Variants in UBP1 observed in about 807,000 individuals in gnomAD.
UBP1 encodes the protein upstream binding protein 1.
UBP1 carries 22 observed loss-of-function variants against 76.1 expected under a neutral mutation model. The observed-to-expected ratio is 0.29, with a 90% CI of 0.21 to 0.41. The LOEUF (loss-of-function observed/expected upper bound fraction) is 0.41. UBP1 is among the 10% of genes least tolerant of loss of function. The pLI, the probability that UBP1 is intolerant of heterozygous loss-of-function variation, is 1.00. For synonymous variants in UBP1, 224 were observed against 237.1 expected (o/e 0.94, Z 0.51); for missense variants, 436 against 668.1 (o/e 0.65, Z 3.83).
At position 33,393,981 on chromosome 3, in the gene UBP1, G is replaced by C. The variant is rs937178718; in HGVS notation, c.1391-527C>G. ...ATAATATATACTTCATGTATTTCTA[G>C]CAATATACAAAAAGAACCCTAAAAG... is the stretch of plus-strand genomic sequence containing the variant. On this transcript the variant is annotated intron_variant, in intron 13 of 15. Coordinates refer to ENST00000283629, the MANE Select transcript of UBP1 (RefSeq NM_014517.5). Among the ~76,000 whole-genome samples the C allele has an allele frequency of 4.4e-4, 67 of 152,038 alleles. 1 individual carries two copies. Among genetic ancestry groups the C allele is most frequent in the Admixed American group, 4.4e-3 (67 of 15,264 alleles).
intron 11 of UBP1, among the ~76,000 whole-genome samples, chr3:33,399,087 G>C (rs1189682514): frequency 6.6e-6 from 1 of 152,246 alleles, no homozygotes; most frequent in African/African-American, 2.4e-5. Flanking sequence ...CTGAGTGTGT[G>C]CACACACAAG....
intron 9 of UBP1, among the ~76,000 whole-genome samples, chr3:33,402,310 C>T (rs2044259211): frequency 6.6e-6 from 1 of 152,130 alleles, no homozygotes; most frequent in South Asian, 2.1e-4. Context: ...TCCACCATTT[C>T]CATTTCTAAA....
Position 33,439,978 on chromosome 3 carries a change from G to C in UBP1, c.-130C>G, listed in dbSNP as rs1055225544. On this transcript the variant is annotated 5_prime_UTR_variant, in exon 1 of 16. Transcript: ENST00000283629. ...GGAGGGGCGGCGAGTGGTCACCAGC[G>C]GCGGCCGGGACGAGAGCTGCGGGGG... 8 of 956,558 alleles carry C rather than the reference G, an allele frequency of 8.4e-6. No homozygotes were observed. Among genetic ancestry groups the C allele is most frequent in the Non-Finnish European group, 1.2e-5 (8 of 669,454 alleles). The allele number at this position is 956,558 out of a possible 1,614,324, so 59.3% of individuals were successfully genotyped here.
intron 1 of UBP1, among the ~76,000 whole-genome samples, chr3:33,433,277 T>C (rs1163683561): frequency 2.8e-5 from 4 of 141,270 alleles, no homozygotes. Context: ...GCCAGGCTGG[T>C]CACGAACTCC....
chr3:33,390,195 AG>A lies in UBP1; in HGVS notation c.*135del. Reference sequence around the variant, plus strand: ...AGATTCACCTCTCATACAGCTCATTAGAAAGGTCATCTTGTGTTTTCAATAT... The same window carrying A: ...AGATTCACCTCTCATACAGCTCATTAAAAGGTCATCTTGTGTTTTCAATAT... On this transcript the variant is annotated 3_prime_UTR_variant, in exon 16 of 16. Coordinates refer to ENST00000283629, the MANE Select transcript of UBP1 (RefSeq NM_014517.5). 1.2e-6 allele frequency: 1 copy of A among 850,070 alleles called. No homozygotes were observed. Among genetic ancestry groups the A allele is most frequent in the Non-Finnish European group, 1.9e-6 (1 of 539,682 alleles). 52.7% of individuals were successfully genotyped at this position (850,070 alleles called of 1,614,324 possible). A position where few individuals can be genotyped will look rare whatever the true frequency, so the allele number is the denominator to read the frequency against.
At chr3:33,430,195 A>C (rs1012107992) in intron 1 of UBP1, among the ~76,000 whole-genome samples, 1 of 152,246 alleles carries the variant, frequency 6.6e-6, no homozygotes. Flanking sequence ...AGTAAGTCCA[A>C]GCAAGCCTAG....
At chr3:33,431,020 A>T (rs2045103992) in intron 1 of UBP1, among the ~76,000 whole-genome samples, 1 of 152,196 alleles carries the variant, frequency 6.6e-6, no homozygotes, top group Non-Finnish European at 1.5e-5. Context: ...GCCTGAAAGT[A>T]TCTGGAAGGA....
rs2044997189 is a variant in UBP1 at position 33,425,611 on chromosome 3, T to C, written c.244A>G (p.Thr82Ala). The stretch of plus-strand genomic sequence containing the variant: ...TAACCTTGGTTCAAATAAGTAAGCG[T>C]TTCATCATGCAGTTTTACTGCTGGT... ...TSPAVKLHDETLTYLNQGQSY... is the reference protein window; with the variant it reads ...TSPAVKLHDEALTYLNQGQSY... Residue 82 changes from threonine (T) to alanine (A), a missense_variant, in exon 2 of 16, where the codon ACG becomes GCG. Transcript: ENST00000283629. 2 of 1,561,238 alleles carry C rather than the reference T, an allele frequency of 1.3e-6. No homozygotes were observed. The highest frequency in any genetic ancestry group is 1.3e-5 in the African/African-American group (1 of 74,446).
chr3:33,412,956 G>T, intron 3 of UBP1, 129 bp from the exon 4 acceptor site: 2 of 564,380 alleles, frequency 3.5e-6, no homozygotes, highest in Non-Finnish European at 6.4e-6. Flanking sequence ...TAAACATTCT[G>T]TAAGTGAACT....
intron 1 of UBP1, among the ~76,000 whole-genome samples, chr3:33,430,146 T>G (rs1349235947): frequency 6.6e-6 from 1 of 152,142 alleles, no homozygotes; most frequent in East Asian, 1.9e-4. Context: ...ATTAAAGAAC[T>G]AACAAGATAA....
intron 1 of UBP1, among the ~76,000 whole-genome samples, chr3:33,431,987 T>C (rs1232050574): frequency 3.9e-5 from 6 of 152,140 alleles, no homozygotes; most frequent in African/African-American, 9.7e-5. Context: ...TACTCTCATA[T>C]CCATTAAATA....
At chr3:33,414,138 T>G (rs1192717200) in intron 3 of UBP1, 1 of 152,006 alleles carries the variant, frequency 6.6e-6, no homozygotes, top group Non-Finnish European at 1.5e-5. Flanking sequence ...ACAAGATATA[T>G]AAGAAAAATT....
chr3:33,423,824 T>C (rs2044961027), intron 2 of UBP1, among the ~76,000 whole-genome samples: 1 of 152,248 alleles, frequency 6.6e-6, no homozygotes, highest in Admixed American at 6.5e-5. Flanking sequence ...AGTACAATGC[T>C]AGATGCACAG....
chr3:33,416,647 A>T, intron 3 of UBP1, 111 bp downstream of exon 3: 1 of 797,926 alleles, frequency 1.3e-6, no homozygotes, highest in Non-Finnish European at 1.9e-6. Flanking sequence ...TAGCTCATAA[A>T]GTTAAAAAGT....
chr3:33,403,580 G>GTTGTCTATCTA, intron 8 of UBP1: 1 of 147,156 alleles, frequency 6.8e-6, no homozygotes, highest in African/African-American at 2.6e-5. Context: ...CTGTCTGTCT[G>GTTGTCTATCTA]TCTGTCTATC....
In UBP1 at chr3:33,408,690, A is replaced by G. The variant is rs773874705; in HGVS notation, c.927T>C (p.Ser309=). 1.2e-6 allele frequency: 2 copies of G among 1,612,994 alleles called. No individual in the cohort carries two copies. Among genetic ancestry groups the G allele is most frequent in the South Asian group, 1.1e-5 (1 of 90,932 alleles). ...DYGDSLAKRG[S]CSPWPDAPTA... is the part of the protein sequence containing the mutation. ...GAAAAGAGAAGCAGAAGTCCCTTAC[A>G]CTGCCTCGCTTTGCCAGAGAATCAC... Residue 309 remains serine (S), a splice_region_variant and synonymous_variant, in exon 8 of 16, where the codon AGT becomes AGC. Coordinates refer to ENST00000283629, the MANE Select transcript of UBP1 (RefSeq NM_014517.5).
chr3:33,439,868 C>T lies in UBP1; in HGVS notation c.-20G>A. 1 of 1,609,714 alleles carries T rather than the reference C, an allele frequency of 6.2e-7. No individual in the cohort carries two copies. The highest frequency in any genetic ancestry group is 8.5e-7 in the Non-Finnish European group (1 of 1,178,676). ...GGCCATCTTCCGGCCTCGCCGTCGC[C>T]CCGCACACCGCGGCCTCCGCGTCCA... On this transcript the variant is annotated 5_prime_UTR_variant, in exon 1 of 16. Coordinates refer to ENST00000283629, the MANE Select transcript of UBP1 (RefSeq NM_014517.5).
Position 33,393,969 on chromosome 3 carries a change from C to T in UBP1, c.1391-515G>A, listed in dbSNP as rs184518497. 6.2e-4 allele frequency among the ~76,000 whole-genome samples: 95 copies of T among 152,090 alleles called. 1 individual carries two copies. The highest frequency in any genetic ancestry group is 9.8e-4 in the Admixed American group (15 of 15,278). On this transcript the variant is annotated intron_variant, in intron 13 of 15. Transcript: ENST00000283629. ...CTGTTTTTAAAAATAATATATACTT[C>T]ATGTATTTCTAGCAATATACAAAAA...
chr3:33,415,079 A>T (rs576016208), intron 3 of UBP1, among the ~76,000 whole-genome samples: 1 of 152,356 alleles, frequency 6.6e-6, no homozygotes, highest in South Asian at 2.1e-4. Context: ...AGTTGAACTT[A>T]AAGCAGTCAT....
Sources: gnomAD v4.1 joint callset for allele counts (sites outside exome capture counted in the v4.1 genomes callset) on GRCh38, gnomAD v4.1.1 for gene constraint, MANE v1.5 for transcripts, NCBI Gene and HGNC (gene_info 2026-07-23, HGNC 2026-07-21) for gene names.